Variants in NEDD4L observed in about 807,000 individuals in gnomAD.
NEDD4L encodes the protein E3 ubiquitin-protein ligase NEDD4-like.
NEDD4L carries 54 observed loss-of-function variants against 148.9 expected under a neutral mutation model. That is an observed-to-expected ratio of 0.36 (90% CI 0.29 to 0.45). The LOEUF is 0.45. NEDD4L is among the 20% of genes least tolerant of loss of function. The pLI is 1.00. For missense variants in NEDD4L, 856 were observed against 1,233.8 expected, an observed-to-expected ratio of 0.69 and a Z score of 4.59; for synonymous variants, 433 against 440.7, an observed-to-expected ratio of 0.98 and a Z score of 0.22.
chr18:58,110,273 G>T (rs1241692540), intron 1 of NEDD4L, among the ~76,000 whole-genome samples: 1 of 152,234 alleles, frequency 6.6e-6, no homozygotes, highest in Non-Finnish European at 1.5e-5. Flanking sequence ...ATCCACATGG[G>T]ATGGAAGGAT....
chr18:58,238,133 T>G (rs776995698), intron 2 of NEDD4L, among the ~76,000 whole-genome samples: 31 of 152,304 alleles, frequency 2.0e-4, no homozygotes, highest in Non-Finnish European at 3.4e-4. Context: ...TGCTGGAAAA[T>G]TGTACATATT....
chr18:58,340,338 A>G (rs1229134856), intron 13 of NEDD4L, among the ~76,000 whole-genome samples: 2 of 152,292 alleles, frequency 1.3e-5, no homozygotes, highest in African/African-American at 4.8e-5. Flanking sequence ...TCTAAACCCA[A>G]AAACTGCCAA....
chr18:58,188,867 C>T (rs146543314), intron 2 of NEDD4L, among the ~76,000 whole-genome samples: 18 of 152,286 alleles, frequency 1.2e-4, no homozygotes, highest in African/African-American at 4.1e-4. Flanking sequence ...AATAGTCTTC[C>T]AGTTAGTCTG....
intron 3 of NEDD4L, among the ~76,000 whole-genome samples, chr18:58,245,736 A>C (rs994358027): frequency 7.1e-6 from 1 of 141,684 alleles, no homozygotes; most frequent in African/African-American, 2.7e-5. Context: ...GCTGGAGTGC[A>C]ATGGCATGTT....
chr18:58,152,419 C>T (rs1192861831), intron 1 of NEDD4L, among the ~76,000 whole-genome samples: 1 of 152,182 alleles, frequency 6.6e-6, no homozygotes, highest in African/African-American at 2.4e-5. Flanking sequence ...TCTACAGATA[C>T]GGATCATCTG....
At position 58,346,738 on chromosome 18, in the gene NEDD4L, A is replaced by G. The variant is rs1022392157; in HGVS notation, c.1576-2799A>G. On this transcript the variant is annotated intron_variant, in intron 16 of 30. Transcript: ENST00000400345. ...AGCAATTTTATATTACACATGAAAG[A>G]GTTCCCGTTATGAAACTGAAGAAAG... Among the ~76,000 whole-genome samples, 38 of 152,250 alleles carry G rather than the reference A, an allele frequency of 2.5e-4. 1 individual carries two copies. The highest frequency in any genetic ancestry group is 2.2e-4 in the Non-Finnish European group (15 of 68,034).
intron 5 of NEDD4L, among the ~76,000 whole-genome samples, chr18:58,281,036 C>T (rs1394398053): frequency 1.3e-5 from 2 of 152,044 alleles, no homozygotes; most frequent in Non-Finnish European, 2.9e-5. Context: ...AGTGCAGTGG[C>T]ATGCAATCAT....
chr18:58,091,026 A>G (rs1249420822), intron 1 of NEDD4L: 1 of 123,698 alleles, frequency 8.1e-6, no homozygotes, highest in Non-Finnish European at 1.7e-5. Flanking sequence ...CCTTACTTCT[A>G]CCCTTGGAAT....
intron 1 of NEDD4L, among the ~76,000 whole-genome samples, chr18:58,098,500 G>A (rs548571502): frequency 4.6e-5 from 7 of 152,276 alleles, no homozygotes; most frequent in African/African-American, 9.6e-5. Flanking sequence ...TCTCGAGGCC[G>A]ACTGCCTGGG....
At chr18:58,094,406 C>T (rs532044216) in intron 1 of NEDD4L, among the ~76,000 whole-genome samples, 36 of 152,116 alleles carry the variant, frequency 2.4e-4, no homozygotes, top group African/African-American at 8.2e-4. Context: ...AGGCTGGTCT[C>T]GAGCTCCCGG....
intron 2 of NEDD4L, among the ~76,000 whole-genome samples, chr18:58,233,900 T>C (rs1465944506): frequency 6.6e-6 from 1 of 152,074 alleles, no homozygotes; most frequent in Non-Finnish European, 1.5e-5. Context: ...TTCCTTGGCC[T>C]GTAAATGACA....
chr18:58,245,674 C>CTTT (rs57282316), intron 3 of NEDD4L, among the ~76,000 whole-genome samples, 166 bp downstream of exon 3: 233 of 89,258 alleles, frequency 2.6e-3, no homozygotes, highest in Middle Eastern at 8.1e-3. Context: ...CACTTTTTCT[C>CTTT]TTTTTTTTTT....
intron 1 of NEDD4L, among the ~76,000 whole-genome samples, chr18:58,086,782 T>G (rs1252442035): frequency 1.3e-5 from 2 of 152,254 alleles, no homozygotes; most frequent in South Asian, 4.1e-4. Flanking sequence ...TCTAATGTTG[T>G]GTAACAAATT....
intron 5 of NEDD4L, among the ~76,000 whole-genome samples, chr18:58,266,664 G>C (rs1409024696): frequency 6.6e-6 from 1 of 152,142 alleles, no homozygotes; most frequent in Non-Finnish European, 1.5e-5. Context: ...CTGTTGTGTT[G>C]TGCCAATAGA....
chr18:58,096,883 G>A (rs571731393), intron 1 of NEDD4L, among the ~76,000 whole-genome samples: 77 of 152,288 alleles, frequency 5.1e-4, no homozygotes, highest in African/African-American at 1.8e-3. Context: ...AATCCTTTCA[G>A]CCTTGCAGAA....
intron 5 of NEDD4L, among the ~76,000 whole-genome samples, chr18:58,276,406 G>A (rs1386509605): frequency 1.4e-4 from 21 of 151,816 alleles, no homozygotes; most frequent in African/African-American, 4.3e-4. Context: ...ATGAGTTTTC[G>A]CCATGTTGGC....
At chr18:58,380,769 T>C (rs935431881) in intron 24 of NEDD4L, among the ~76,000 whole-genome samples, 1 of 152,160 alleles carries the variant, frequency 6.6e-6, no homozygotes, top group Non-Finnish European at 1.5e-5. Context: ...TTCCCCTCCC[T>C]GTGTCCATGA....
chr18:58,251,162 CA>C (rs539175564), intron 4 of NEDD4L, among the ~76,000 whole-genome samples: 355 of 152,222 alleles, frequency 2.3e-3, no homozygotes, highest in South Asian at 4.8e-3. Context: ...AGTTATACAT[CA>C]TAGGATTGCT....
At chr18:58,165,455 TTTATC>T (rs2036731576) in intron 1 of NEDD4L, among the ~76,000 whole-genome samples, 1 of 152,210 alleles carries the variant, frequency 6.6e-6, no homozygotes, top group Non-Finnish European at 1.5e-5. Context: ...CACTTGGACA[TTTATC>T]TAGATGGTTT....
Sources: allele counts gnomAD v4.1 joint callset (sites outside exome capture counted in the v4.1 genomes callset), GRCh38; gene constraint gnomAD v4.1.1; transcripts MANE v1.5; gene names NCBI Gene and HGNC (gene_info 2026-07-23, HGNC 2026-07-21).